The following MTMR9 variants were observed in gnomAD, a reference collection of about 807,000 sequenced individuals.
The protein encoded by MTMR9 is myotubularin-related protein 9.
A neutral mutation model predicts 69.5 loss-of-function variants in MTMR9; 39 were observed. The ratio of observed to expected loss-of-function variants is 0.56; its 90% CI spans 0.43 to 0.73. MTMR9 has a LOEUF of 0.73. MTMR9 is among the 30% of genes least tolerant of loss of function. The pLI, the probability that MTMR9 is intolerant of heterozygous loss-of-function variation, is 0.00. For missense variants in MTMR9, 900 were observed against 671.2 expected, an observed-to-expected ratio of 1.34 and a Z score of -3.77; for synonymous variants, 354 against 240.8, an observed-to-expected ratio of 1.47 and a Z score of -4.35.
Position 11,316,795 on chromosome 8 carries a change from C to T in MTMR9, c.1236C>T (p.Pro412=). The change falls in exon 8 of 10, where the codon CCC becomes CCT. Residue 412 remains proline (P), a synonymous_variant. Coordinates refer to ENST00000221086, the MANE Select transcript of MTMR9 (RefSeq NM_015458.4). The stretch of plus-strand genomic sequence containing the variant: ...TGTGGCAGATCCTTCGTCAGTTTCC[C>T]TGTTCTTTTGAGTTTAATGAGAATT... ...DCVWQILRQF[P]CSFEFNENFL... The T allele has an allele frequency of 6.2e-7, 1 of 1,613,892 alleles. No individual in the cohort carries two copies. The highest frequency in any genetic ancestry group is 1.7e-4 in the Middle Eastern group (1 of 6,058).
chr8:11,322,540 A>T, intron 9 of MTMR9, 85 bp from the exon 10 acceptor site: 1 of 1,164,510 alleles, frequency 8.6e-7, no homozygotes, highest in Admixed American at 2.1e-5. Flanking sequence ...TGTATAATAC[A>T]TAAATTACAT....
chr8:11,328,962 G>A (rs377708255), downstream of MTMR9, among the ~76,000 whole-genome samples: 120 of 152,238 alleles, frequency 7.9e-4, no homozygotes, highest in South Asian at 9.7e-3. Context: ...TTTGTATACC[G>A]TGTAAGGTAA....
chr8:11,335,527 A>G, the MTMR9 span, among the ~76,000 whole-genome samples: 1 of 152,214 alleles, frequency 6.6e-6, no homozygotes, highest in Non-Finnish European at 1.5e-5. Context: ...TCTCAATCAA[A>G]ATGTTATTTT....
chr8:11,285,273 T>C (rs1422806582), intron 1 of MTMR9: 4 of 535,160 alleles, frequency 7.5e-6, no homozygotes, highest in Middle Eastern at 4.9e-4. Flanking sequence ...GATGGAGTTC[T>C]CAGGGTTATC....
At chr8:11,289,779 A>G (rs1195693877) in intron 1 of MTMR9, among the ~76,000 whole-genome samples, 38 of 152,300 alleles carry the variant, frequency 2.5e-4, no homozygotes, top group Admixed American at 2.4e-3. Flanking sequence ...TGGTGACACA[A>G]TACTGTTTCA....
the MTMR9 span, among the ~76,000 whole-genome samples, chr8:11,336,920 T>C: frequency 6.6e-6 from 1 of 152,228 alleles, no homozygotes; most frequent in Admixed American, 6.5e-5. Context: ...GAAAGTCAGA[T>C]AACTCCCAGT....
chr8:11,335,357 C>G, the MTMR9 span, among the ~76,000 whole-genome samples: 2,413 of 152,178 alleles, frequency 0.016, 65 homozygotes, highest in East Asian at 0.1. Context: ...ATAAATCTAA[C>G]AAAATATATA....
rs1322328112 is a variant in MTMR9 at position 11,285,022 on chromosome 8, C to T, written c.134C>T (p.Thr45Met). The T allele has an allele frequency of 1.2e-6, 2 of 1,613,056 alleles. No homozygotes were observed. The highest frequency in any genetic ancestry group is 2.2e-5 in the South Asian group (2 of 90,850). Residue 45 changes from threonine (T) to methionine (M), a missense_variant, in exon 1 of 10, where the codon ACG (threonine) becomes ATG (methionine). Physicochemically the swap from Thr to Met is moderately conservative, Grantham distance 81. Coordinates refer to ENST00000221086, the MANE Select transcript of MTMR9 (RefSeq NM_015458.4). ...HLILSSRQDN[T>M]EELWLLHSNI... ...ATCCTGTCCTCCCGGCAGGACAATA[C>T]GGAGGAGCTGTGGCTCCTCCATTCA...
intron 6 of MTMR9, among the ~76,000 whole-genome samples, chr8:11,311,297 A>T (rs747625691): frequency 6.6e-6 from 1 of 152,224 alleles, no homozygotes; most frequent in South Asian, 2.1e-4. Context: ...TAAGTACATC[A>T]TCTACAATGT....
rs994920806 is a variant in MTMR9 at position 11,322,822 on chromosome 8, T to A, written c.*34T>A. ...CTCGCACCCTTCGCAAGGACCTTCT[T>A]GGGCCTGTGTCCGCCGTTCTCTCCT... On this transcript the variant is annotated 3_prime_UTR_variant, in exon 10 of 10. Coordinates refer to ENST00000221086, the MANE Select transcript of MTMR9 (RefSeq NM_015458.4). 4 of 1,588,266 alleles carry A rather than the reference T, an allele frequency of 2.5e-6. No homozygotes were observed. Among genetic ancestry groups the A allele is most frequent in the Non-Finnish European group, 3.4e-6 (4 of 1,166,796 alleles).
chr8:11,319,556 T>C (rs1585134711), intron 8 of MTMR9, 131 bp from the exon 9 acceptor site: 1 of 912,812 alleles, frequency 1.1e-6, no homozygotes, highest in Non-Finnish European at 1.6e-6. Context: ...TTTTCAACAC[T>C]TTGTTTCTCT....
intron 6 of MTMR9, 83 bp from the exon 7 acceptor site, chr8:11,314,840 C>A: frequency 7.4e-7 from 1 of 1,358,166 alleles, no homozygotes; most frequent in Non-Finnish European, 1.0e-6. Context: ...AAATGTTGTG[C>A]TCAATAAACG....
rs1339519501 is a variant in MTMR9, at chr8:11,305,342, A to C, written c.591+328A>C. On this transcript the variant is annotated intron_variant, in intron 4 of 9. Coordinates refer to ENST00000221086, the MANE Select transcript of MTMR9 (RefSeq NM_015458.4). ...AGAAAAATGAGAAATTTCTCTGTTCAGAATAATGGTAAAATACTTGAATTT... is the reference window on the plus strand; with the variant it reads ...AGAAAAATGAGAAATTTCTCTGTTCCGAATAATGGTAAAATACTTGAATTT... Among the ~76,000 whole-genome samples, 4 of 152,330 alleles carry C rather than the reference A, an allele frequency of 2.6e-5. No homozygotes were observed. In the East Asian group the frequency reaches 7.7e-4, roughly 29 times the overall value.
chr8:11,306,896 G>T (rs1427776642), intron 5 of MTMR9, among the ~76,000 whole-genome samples: 1 of 151,958 alleles, frequency 6.6e-6, no homozygotes. Context: ...CTCTTCCTCT[G>T]GCAACCACCA....
At chr8:11,332,024 A>G (rs74495029), downstream of MTMR9, 4 of 1,611,184 alleles carry the variant, frequency 2.5e-6, no homozygotes, top group Non-Finnish European at 3.4e-6. Context: ...AGACTGTGGC[A>G]CTTTCTGACA....
At chr8:11,330,214 G>A (rs1446803312), downstream of MTMR9, among the ~76,000 whole-genome samples, 164 of 147,256 alleles carry the variant, frequency 1.1e-3, 1 homozygote, top group African/African-American at 3.8e-3. Context: ...GTCAGCCGCG[G>A]CCTGGCCAGC....
intron 1 of MTMR9, among the ~76,000 whole-genome samples, chr8:11,287,831 AAC>A (rs1799225381): frequency 8.1e-6 from 1 of 123,980 alleles, no homozygotes; most frequent in East Asian, 2.1e-4. Context: ...TATAATATAT[AAC>A]ATTATATATT....
chr8:11,290,748 C>G (rs963906523), intron 1 of MTMR9, among the ~76,000 whole-genome samples: 1 of 151,934 alleles, frequency 6.6e-6, no homozygotes. Context: ...TTTCTGAGCT[C>G]TCTGTCATAA....
rs1800120392 is a variant in MTMR9, at chr8:11,309,803, G to C, written c.971+115G>C. 2.2e-5 allele frequency: 24 copies of C among 1,087,322 alleles called. No individual in the cohort carries two copies. In the South Asian group the frequency reaches 3.6e-4, roughly 16 times the overall value. 67.4% of individuals were successfully genotyped at this position (1,087,322 alleles called of 1,614,324 possible). A position where few individuals can be genotyped will look rare whatever the true frequency, so the allele number is the denominator to read the frequency against. Reference sequence around the variant, plus strand: ...AAGTTTGCAGTAAATTACTGTGTAGGCTAGTCAACACCATCCCATTATTGA... The same window carrying C: ...AAGTTTGCAGTAAATTACTGTGTAGCCTAGTCAACACCATCCCATTATTGA... On this transcript the variant is annotated intron_variant, in intron 6 of 9. Transcript: ENST00000221086.
Sources: gnomAD v4.1 joint callset for allele counts (sites outside exome capture counted in the v4.1 genomes callset) on GRCh38, gnomAD v4.1.1 for gene constraint, MANE v1.5 for transcripts, NCBI Gene and HGNC (gene_info 2026-07-23, HGNC 2026-07-21) for gene names.